BMAL1: variants seen among roughly 807,000 people sequenced by gnomAD.
The protein encoded by BMAL1 is basic helix-loop-helix ARNT-like protein 1.
At chr11:13,384,672 TATATG>T in the BMAL1 span, among the ~76,000 whole-genome samples, 1 of 152,214 alleles carries the variant, frequency 6.6e-6, no homozygotes, top group Non-Finnish European at 1.5e-5. Flanking sequence ...TGGAAAAACA[TATATG>T]AGAATCCAGT....
chr11:13,367,571 C>T, the BMAL1 span, among the ~76,000 whole-genome samples: 5 of 152,030 alleles, frequency 3.3e-5, no homozygotes, highest in East Asian at 1.9e-4. Flanking sequence ...TGTGGTGGTG[C>T]GTGCCTGTAA....
the BMAL1 span, chr11:13,356,873 C>G: frequency 6.2e-7 from 1 of 1,603,524 alleles, no homozygotes; most frequent in Non-Finnish European, 8.5e-7. Flanking sequence ...CCCATGTCCT[C>G]AACTGGAGAT....
At chr11:13,369,479 A>G in the BMAL1 span, 1 of 1,000,302 alleles carries the variant, frequency 1.0e-6, no homozygotes, top group Non-Finnish European at 1.5e-6. Context: ...GTTAAAGCCT[A>G]AACTTGGGAG....
chr11:13,337,238 C>G, the BMAL1 span, among the ~76,000 whole-genome samples: 2 of 152,128 alleles, frequency 1.3e-5, no homozygotes, highest in African/African-American at 4.8e-5. Flanking sequence ...ACTGACCCAT[C>G]TCACCAGTTG....
the BMAL1 span, chr11:13,376,565 A>C: frequency 2.1e-6 from 3 of 1,407,044 alleles, no homozygotes; most frequent in Non-Finnish European, 3.0e-6. Flanking sequence ...GACACCGGAC[A>C]CCTTGGCCAA....
At chr11:13,315,172 G>A in the BMAL1 span, among the ~76,000 whole-genome samples, 1 of 152,216 alleles carries the variant, frequency 6.6e-6, no homozygotes, top group Non-Finnish European at 1.5e-5. Flanking sequence ...TCTTGGAACT[G>A]CTTTCCTGGG....
the BMAL1 span, chr11:13,378,522 T>C: frequency 3.2e-6 from 5 of 1,546,226 alleles, no homozygotes; most frequent in Non-Finnish European, 4.4e-6. Context: ...AGGCAATATT[T>C]TGCAATGTCA....
the BMAL1 span, among the ~76,000 whole-genome samples, chr11:13,326,692 T>C: frequency 1.4e-5 from 2 of 145,408 alleles, no homozygotes; most frequent in South Asian, 2.3e-4. Context: ...AAAGATAATA[T>C]ATAGAGAGAT....
chr11:13,296,085 G>C, the BMAL1 span, among the ~76,000 whole-genome samples: 1 of 152,116 alleles, frequency 6.6e-6, no homozygotes, highest in Non-Finnish European at 1.5e-5. Context: ...AAACTTAGGC[G>C]ATTTCCCTGA....
the BMAL1 span, among the ~76,000 whole-genome samples, chr11:13,284,251 TATATATATATATATA>T: frequency 4.6e-3 from 133 of 29,126 alleles, 28 homozygotes; most frequent in Middle Eastern, 0.016. Flanking sequence ...TATATATATA[TATATATATATATATA>T]TTTTTTTTTT....
At chr11:13,380,958 G>A in the BMAL1 span, 2 of 543,884 alleles carry the variant, frequency 3.7e-6, no homozygotes, top group Admixed American at 6.3e-5. Context: ...CGTATCTGTG[G>A]CTGCTTTCAA....
the BMAL1 span, among the ~76,000 whole-genome samples, chr11:13,303,894 G>C: frequency 6.6e-6 from 1 of 152,176 alleles, no homozygotes; most frequent in African/African-American, 2.4e-5. Flanking sequence ...TCATGGCATG[G>C]TGTGTTGCAG....
At chr11:13,276,880 T>A in the BMAL1 span, 7 of 152,266 alleles carry the variant, frequency 4.6e-5, no homozygotes, top group African/African-American at 1.7e-4. Context: ...TTTCCTTCCG[T>A]CTTGCTCCGT....
chr11:13,376,543 A>T, the BMAL1 span: 1 of 1,117,782 alleles, frequency 8.9e-7, no homozygotes. Context: ...TGGCCTGTCC[A>T]GGTCCAGAGT....
At chr11:13,319,239 C>G in the BMAL1 span, among the ~76,000 whole-genome samples, 1 of 152,170 alleles carries the variant, frequency 6.6e-6, no homozygotes, top group Non-Finnish European at 1.5e-5. Flanking sequence ...AAGTAAATTT[C>G]GTTTTGTATT....
chr11:13,371,041 T>C, the BMAL1 span, among the ~76,000 whole-genome samples: 12 of 152,246 alleles, frequency 7.9e-5, no homozygotes, highest in Non-Finnish European at 1.6e-4. Flanking sequence ...TGCTTTCTTA[T>C]ACTTGCTGTT....
At chr11:13,375,117 A>G in the BMAL1 span, among the ~76,000 whole-genome samples, 1 of 152,334 alleles carries the variant, frequency 6.6e-6, no homozygotes, top group African/African-American at 2.4e-5. Flanking sequence ...GGCAGGAGTC[A>G]TAGCCTGTCT....
chr11:13,366,692 G>A, the BMAL1 span: 1 of 1,613,986 alleles, frequency 6.2e-7, no homozygotes, highest in Non-Finnish European at 8.5e-7. Context: ...GAGTTTGTTT[G>A]ACTACCTGCA....
At chr11:13,327,135 A>T in the BMAL1 span, among the ~76,000 whole-genome samples, 1 of 151,740 alleles carries the variant, frequency 6.6e-6, no homozygotes, top group African/African-American at 2.4e-5. Context: ...CGGTTCACTC[A>T]TGTAATCCCA....
Sources: gnomAD v4.1 joint callset for allele counts (sites outside exome capture counted in the v4.1 genomes callset) on GRCh38, gnomAD v4.1.1 for gene constraint, MANE v1.5 for transcripts, NCBI Gene and HGNC (gene_info 2026-07-23, HGNC 2026-07-21) for gene names.